Variants in C8orf34 observed in about 807,000 individuals in gnomAD.
C8orf34 encodes the protein chromosome 8 open reading frame 34.
C8orf34 carries 65 observed loss-of-function variants against 68.3 expected under a neutral mutation model. That is an observed-to-expected ratio of 0.95 (90% CI 0.78 to 1.17). C8orf34 has a LOEUF of 1.17. Among genes scored for constraint, C8orf34 ranks in the 50% most tolerant of loss-of-function variants. The probability of loss-of-function intolerance (pLI) is 0.00; values close to 1 mark genes in which losing one functional copy is unlikely to be tolerated. For missense variants in C8orf34, 664 were observed against 655.4 expected, an observed-to-expected ratio of 1.01 and a Z score of -0.14; for synonymous variants, 244 against 241.2, an observed-to-expected ratio of 1.01 and a Z score of -0.11.
At chr8:68,607,585 G>A (rs1817892533) in intron 7 of C8orf34, among the ~76,000 whole-genome samples, 1 of 152,050 alleles carries the variant, frequency 6.6e-6, no homozygotes, top group Non-Finnish European at 1.5e-5. Flanking sequence ...CTGGGAGTTA[G>A]GACTTCAACA....
chr8:68,811,204 T>A (rs1411903553), intron 12 of C8orf34, among the ~76,000 whole-genome samples: 1 of 152,196 alleles, frequency 6.6e-6, no homozygotes, highest in Non-Finnish European at 1.5e-5. Context: ...GGCTGACATG[T>A]CAGCTCTGCC....
chr8:68,517,613 G>A (rs1167446984), intron 5 of C8orf34, among the ~76,000 whole-genome samples: 1 of 152,224 alleles, frequency 6.6e-6, no homozygotes. Flanking sequence ...CTTTTCAATA[G>A]CAATACATCT....
chr8:68,555,550 T>A (rs894152825), intron 7 of C8orf34, among the ~76,000 whole-genome samples: 5 of 152,106 alleles, frequency 3.3e-5, no homozygotes. Context: ...TTTCCCTAAT[T>A]TCAGTCTTCT....
rs186391453 is a variant in C8orf34 at position 68,463,777 on chromosome 8, T to C, written c.608-4915T>C. On this transcript the variant is annotated intron_variant, in intron 3 of 13. Transcript: ENST00000518698. ...TAAAAGCTCTCAACAAATTAGGTAT[T>C]GATGGGACGTATCTCAAAATAATAA... is the stretch of plus-strand genomic sequence containing the variant. Among the ~76,000 whole-genome samples, 156 of 152,312 alleles carry C rather than the reference T, an allele frequency of 1.0e-3. 1 individual carries two copies. The Middle Eastern group carries it at 0.031, about 30-fold the overall frequency.
chr8:68,523,221 C>A (rs1814833631), intron 6 of C8orf34, among the ~76,000 whole-genome samples: 1 of 152,094 alleles, frequency 6.6e-6, no homozygotes, highest in Non-Finnish European at 1.5e-5. Context: ...TTTTTTAATA[C>A]CAGGCTTATA....
intron 7 of C8orf34, among the ~76,000 whole-genome samples, chr8:68,638,025 G>T (rs1280087280): frequency 6.6e-6 from 1 of 152,102 alleles, no homozygotes; most frequent in African/African-American, 2.4e-5. Flanking sequence ...TAACTACCAG[G>T]GGTCTTTAGA....
chr8:68,566,073 A>T (rs1181645878), intron 7 of C8orf34, among the ~76,000 whole-genome samples: 1 of 152,194 alleles, frequency 6.6e-6, no homozygotes, highest in Non-Finnish European at 1.5e-5. Context: ...TATGTTAAGC[A>T]TTTCAGATAT....
At chr8:68,736,341 G>C (rs561257179) in intron 10 of C8orf34, among the ~76,000 whole-genome samples, 3 of 152,058 alleles carry the variant, frequency 2.0e-5, no homozygotes, top group African/African-American at 7.2e-5. Context: ...CTAGAAGTTA[G>C]TATTATTATC....
chr8:68,793,518 C>G (rs1824074448), intron 12 of C8orf34, among the ~76,000 whole-genome samples: 7 of 152,020 alleles, frequency 4.6e-5, no homozygotes, highest in Admixed American at 4.6e-4. Context: ...TTTGCAGGGA[C>G]ATGGATGAAG....
intron 7 of C8orf34, 98 bp downstream of exon 7, chr8:68,533,247 C>T: frequency 6.9e-7 from 1 of 1,445,054 alleles, no homozygotes; most frequent in Non-Finnish European, 9.1e-7. Flanking sequence ...ATAGCCTTGT[C>T]TTAGGGAAAA....
At position 68,331,356 on chromosome 8, in the gene C8orf34, G is replaced by A. The variant is rs1258667720; in HGVS notation, c.327+17G>A. 6.5e-7 allele frequency: 1 copy of A among 1,535,522 alleles called. No individual in the cohort carries two copies. The highest frequency in any genetic ancestry group is 8.7e-7 in the Non-Finnish European group (1 of 1,146,314). On this transcript the variant is annotated intron_variant, in intron 1 of 13. Transcript: ENST00000518698. Reference sequence around the variant, plus strand: ...CTGTTTGAGGTAAGGCGCTGTGGAGGAGGGCAGTCCCGTTGTCTTTAGGGG... The same window carrying A: ...CTGTTTGAGGTAAGGCGCTGTGGAGAAGGGCAGTCCCGTTGTCTTTAGGGG...
At chr8:68,611,973 G>A (rs1212946644) in intron 7 of C8orf34, among the ~76,000 whole-genome samples, 1 of 152,062 alleles carries the variant, frequency 6.6e-6, no homozygotes, top group Non-Finnish European at 1.5e-5. Context: ...AATACCATAT[G>A]CCAAGTTTAA....
intron 7 of C8orf34, among the ~76,000 whole-genome samples, chr8:68,548,543 G>GTAC (rs1815961690): frequency 6.6e-6 from 1 of 151,774 alleles, no homozygotes; most frequent in African/African-American, 2.4e-5. Context: ...ATGTTGCTAA[G>GTAC]TACGTGGAGC....
chr8:68,541,654 G>T (rs1466585548), intron 7 of C8orf34, among the ~76,000 whole-genome samples: 2 of 152,104 alleles, frequency 1.3e-5, no homozygotes, highest in Non-Finnish European at 2.9e-5. Context: ...AGTTAGAAAT[G>T]CTCCACATAG....
intron 1 of C8orf34, among the ~76,000 whole-genome samples, chr8:68,417,447 T>C (rs952055092): frequency 3.3e-5 from 5 of 152,094 alleles, no homozygotes; most frequent in African/African-American, 7.2e-5. Flanking sequence ...CAGGAGAATA[T>C]TGAATATTAT....
In C8orf34 at chr8:68,501,733, T is replaced by G. The variant is rs561259447; in HGVS notation, c.765+13682T>G. ...ACATGAAACTCAAGATGGAGCTTTG[T>G]GAGTATCTGTCCCGTGATCAATCCA... On this transcript the variant is annotated intron_variant, in intron 5 of 13. Coordinates refer to ENST00000518698, the MANE Select transcript of C8orf34 (RefSeq NM_052958.4). 2.6e-5 allele frequency among the ~76,000 whole-genome samples: 4 copies of G among 152,296 alleles called. No individual in the cohort carries two copies. The East Asian group carries it at 7.7e-4, about 29-fold the overall frequency.
intron 7 of C8orf34, among the ~76,000 whole-genome samples, chr8:68,624,766 G>T (rs920208866): frequency 6.6e-6 from 1 of 151,960 alleles, no homozygotes; most frequent in Non-Finnish European, 1.5e-5. Context: ...TTTGAAACAG[G>T]GTTTCACTCT....
intron 5 of C8orf34, among the ~76,000 whole-genome samples, chr8:68,516,647 T>C (rs1242244889): frequency 6.6e-6 from 1 of 151,830 alleles, no homozygotes; most frequent in Non-Finnish European, 1.5e-5. Flanking sequence ...TATTTATTTA[T>C]TTTTTATTTA....
intron 1 of C8orf34, among the ~76,000 whole-genome samples, chr8:68,358,169 T>TA (rs1338297344): frequency 6.6e-6 from 1 of 152,170 alleles, no homozygotes; most frequent in Non-Finnish European, 1.5e-5. Context: ...TTATGAGCTA[T>TA]AATCTGTTTC....
Sources: gnomAD v4.1 joint callset for allele counts (sites outside exome capture counted in the v4.1 genomes callset) on GRCh38, gnomAD v4.1.1 for gene constraint, MANE v1.5 for transcripts, NCBI Gene and HGNC (gene_info 2026-07-23, HGNC 2026-07-21) for gene names.